Variants in RIMKLB observed in about 807,000 individuals in gnomAD.
RIMKLB encodes beta-citrylglutamate synthase B.
RIMKLB carries 7 observed loss-of-function variants against 32.0 expected under a neutral mutation model. The ratio of observed to expected loss-of-function variants is 0.22; its 90% CI spans 0.12 to 0.41. The LOEUF (loss-of-function observed/expected upper bound fraction) is 0.41, where lower values mean the gene tolerates loss of function less well. Ranked by LOEUF, RIMKLB falls within the 10% of genes least tolerant of loss-of-function variation. The pLI is 1.00. For missense variants in RIMKLB, 289 were observed against 498.7 expected (o/e 0.58, Z 4.00); for synonymous variants, 172 against 185.1 (o/e 0.93, Z 0.57).
chr12:8,776,086 T>C lies in RIMKLB; in HGVS notation c.*2302T>C. On this transcript the variant is annotated 3_prime_UTR_variant, in exon 6 of 6. Coordinates refer to ENST00000535829, the MANE Select transcript of RIMKLB (RefSeq NM_001297776.2). ...CCATGTGTATTATGACACATACACT[T>C]TGAATAGTTACATATCACAAGTATG... 1.0e-6 allele frequency: 1 copy of C among 984,816 alleles called. No individual in the cohort carries two copies. Among genetic ancestry groups the C allele is most frequent in the Middle Eastern group, 5.2e-4 (1 of 1,914 alleles). 61.0% of individuals were successfully genotyped at this position (984,816 alleles called of 1,614,324 possible). A position where few individuals can be genotyped will look rare whatever the true frequency, so the allele number is the denominator to read the frequency against.
At chr12:8,690,334 C>T (rs1942695605) in intron 1 of RIMKLB, among the ~76,000 whole-genome samples, 2 of 152,056 alleles carry the variant, frequency 1.3e-5, no homozygotes, top group Admixed American at 6.6e-5. Flanking sequence ...TTCTTGGGTC[C>T]TTTGTGGCAA....
At chr12:8,686,532 T>C (rs957744271) in intron 1 of RIMKLB, among the ~76,000 whole-genome samples, 4 of 151,690 alleles carry the variant, frequency 2.6e-5, no homozygotes, top group Non-Finnish European at 2.9e-5. Flanking sequence ...CAGGCTGGAG[T>C]GCAGTGGCGC....
At chr12:8,764,484 T>C (rs889904338) in intron 5 of RIMKLB, among the ~76,000 whole-genome samples, 2 of 152,068 alleles carry the variant, frequency 1.3e-5, no homozygotes, top group African/African-American at 4.8e-5. Context: ...CTGGGAGAAG[T>C]ATCTAGTGAC....
chr12:8,718,190 G>T (rs1040071552), intron 2 of RIMKLB, among the ~76,000 whole-genome samples: 1 of 152,062 alleles, frequency 6.6e-6, no homozygotes, highest in Admixed American at 6.6e-5. Flanking sequence ...GATTTCCATT[G>T]TTGATACCCA....
intron 5 of RIMKLB, among the ~76,000 whole-genome samples, 171 bp from the exon 6 acceptor site, chr12:8,773,148 GGA>G: frequency 6.6e-6 from 1 of 151,914 alleles, no homozygotes; most frequent in East Asian, 1.9e-4. Flanking sequence ...GACTGGATAG[GGA>G]GAGGATTCCT....
chr12:8,728,157 ATT>A (rs1456768815), intron 2 of RIMKLB, among the ~76,000 whole-genome samples: 4 of 152,168 alleles, frequency 2.6e-5, no homozygotes, highest in Admixed American at 2.6e-4. Flanking sequence ...GTTGTCTACT[ATT>A]TTTGTGGAAG....
At chr12:8,686,908 T>C (rs184651477) in intron 1 of RIMKLB, among the ~76,000 whole-genome samples, 1 of 152,228 alleles carries the variant, frequency 6.6e-6, no homozygotes, top group Non-Finnish European at 1.5e-5. Flanking sequence ...ATTATGAACT[T>C]TAGTGCATCA....
chr12:8,756,264 T>C (rs767456974), intron 5 of RIMKLB, among the ~76,000 whole-genome samples: 2 of 152,044 alleles, frequency 1.3e-5, no homozygotes, highest in South Asian at 2.1e-4. Flanking sequence ...GAGGCTGCAG[T>C]GAACCATGAT....
At chr12:8,693,466 A>G (rs778886965), upstream of RIMKLB, among the ~76,000 whole-genome samples, 4 of 149,700 alleles carry the variant, frequency 2.7e-5, no homozygotes, top group Admixed American at 1.3e-4. Context: ...GCACTATCTC[A>G]GCTCACTGCA....
At chr12:8,726,569 C>G (rs1946027709) in intron 2 of RIMKLB, among the ~76,000 whole-genome samples, 1 of 151,494 alleles carries the variant, frequency 6.6e-6, no homozygotes, top group Non-Finnish European at 1.5e-5. Context: ...CATGGTATAT[C>G]TTTCTCTATC....
chr12:8,688,826 ATTTC>A (rs1304309937), intron 1 of RIMKLB, among the ~76,000 whole-genome samples: 38 of 151,704 alleles, frequency 2.5e-4, no homozygotes, highest in Admixed American at 5.9e-4. Context: ...TGCATGACGT[ATTTC>A]TTTCTTTCTT....
chr12:8,674,988 C>T, the RIMKLB span, among the ~76,000 whole-genome samples: 55 of 151,454 alleles, frequency 3.6e-4, no homozygotes, highest in African/African-American at 1.1e-3. Flanking sequence ...CTCAGCCTCC[C>T]GAGTAGCCGG....
intron 5 of RIMKLB, 106 bp from the exon 6 acceptor site, chr12:8,773,215 G>C: frequency 1.3e-6 from 1 of 778,144 alleles, no homozygotes; most frequent in Non-Finnish European, 2.1e-6. Context: ...TAACGCCTTT[G>C]TTTTCACTAT....
intron 5 of RIMKLB, among the ~76,000 whole-genome samples, chr12:8,760,088 C>T (rs1949387971): frequency 1.3e-5 from 2 of 152,116 alleles, no homozygotes; most frequent in Non-Finnish European, 2.9e-5. Context: ...AATGCTATCC[C>T]TCCCCCTTCC....
chr12:8,671,950 C>T, the RIMKLB span, among the ~76,000 whole-genome samples: 1 of 144,076 alleles, frequency 6.9e-6, no homozygotes, highest in African/African-American at 2.5e-5. Flanking sequence ...GCCTGAATGC[C>T]TTTAATAGCA....
intron 1 of RIMKLB, among the ~76,000 whole-genome samples, chr12:8,712,934 A>T (rs937723470): frequency 1.3e-5 from 2 of 152,208 alleles, no homozygotes; most frequent in African/African-American, 2.4e-5. Flanking sequence ...CATTAAAAAA[A>T]ATCGTTTTGT....
chr12:8,764,262 G>T (rs752475238), intron 5 of RIMKLB, among the ~76,000 whole-genome samples: 1 of 152,046 alleles, frequency 6.6e-6, no homozygotes, highest in African/African-American at 2.4e-5. Flanking sequence ...GGAATTCTTC[G>T]CTTGTCCATA....
chr12:8,782,717 G>A (rs111491326), intron 7 of RIMKLB, among the ~76,000 whole-genome samples: 4,235 of 152,046 alleles, frequency 0.028, 193 homozygotes, highest in African/African-American at 0.096. Flanking sequence ...CAGAATCAGA[G>A]TATATCTTTG....
chr12:8,722,943 G>C (rs547693704), intron 2 of RIMKLB, among the ~76,000 whole-genome samples: 1 of 152,350 alleles, frequency 6.6e-6, no homozygotes, highest in Non-Finnish European at 1.5e-5. Flanking sequence ...TGCCTTAAGG[G>C]AATGTTGTGG....
Sources: gnomAD v4.1 joint callset for allele counts (sites outside exome capture counted in the v4.1 genomes callset) on GRCh38, gnomAD v4.1.1 for gene constraint, MANE v1.5 for transcripts, NCBI Gene and HGNC (gene_info 2026-07-23, HGNC 2026-07-21) for gene names.